LRP1B: variants seen among roughly 807,000 people sequenced by gnomAD.
LRP1B encodes low-density lipoprotein receptor-related protein 1B.
LRP1B carries 217 observed loss-of-function variants against 556.6 expected under a neutral mutation model. That is an observed-to-expected ratio of 0.39 (90% CI 0.35 to 0.44). The LOEUF is 0.44. Ranked by LOEUF, LRP1B falls within the 20% of genes least tolerant of loss-of-function variation. The pLI is 1.00. For missense variants in LRP1B, 5,053 were observed against 5,620.8 expected (o/e 0.90, Z 3.23); for synonymous variants, 2,047 against 1,865.8 (o/e 1.10, Z -2.50).
At chr2:140,946,379 C>A (rs955145528) in intron 20 of LRP1B, among the ~76,000 whole-genome samples, 1 of 152,106 alleles carries the variant, frequency 6.6e-6, no homozygotes, top group Admixed American at 6.6e-5. Flanking sequence ...GTGGATGGAT[C>A]ACCTGAAGTC....
chr2:141,812,071 G>C (rs969481498), intron 1 of LRP1B, among the ~76,000 whole-genome samples: 1 of 152,084 alleles, frequency 6.6e-6, no homozygotes, highest in South Asian at 2.1e-4. Flanking sequence ...TACTGAAATG[G>C]AAATGGCATT....
Position 140,291,318 on chromosome 2 carries a change from A to ATATTTTTTT in LRP1B, c.12967+6489_12967+6490insAAAAAAATA, listed in dbSNP as rs369391920. On this transcript the variant is annotated intron_variant, in intron 84 of 90. Coordinates refer to ENST00000389484, the MANE Select transcript of LRP1B (RefSeq NM_018557.3). ...TTATTTTATATATATATATATATATATTTTTATTATACTTTAAGTTCTAGG... is the reference window on the plus strand; with the variant it reads ...TTATTTTATATATATATATATATATATATTTTTTTTTTTTATTATACTTTAAGTTCTAGG... Among the ~76,000 whole-genome samples the ATATTTTTTT allele has an allele frequency of 1.0e-3, 113 of 109,312 alleles. 3 individuals carry two copies. In the Middle Eastern group the frequency reaches 0.037, roughly 36 times the overall value. The allele number at this position is 109,312 out of a possible 152,430, so 71.7% of individuals were successfully genotyped here. A position where few individuals can be genotyped will look rare whatever the true frequency, so the allele number is the denominator to read the frequency against.
chr2:141,515,970 T>C (rs1267394323), intron 2 of LRP1B, among the ~76,000 whole-genome samples: 1 of 152,160 alleles, frequency 6.6e-6, no homozygotes. Context: ...TAGAATACTT[T>C]AAAAAACATA....
At position 141,929,912 on chromosome 2, in the gene LRP1B, C is replaced by CAA. The variant is rs70994467; in HGVS notation, c.83-119513_83-119512dup. Among the ~76,000 whole-genome samples, 103 of 104,118 alleles carry CAA rather than the reference C, an allele frequency of 9.9e-4. 4 individuals are homozygous for CAA. The highest frequency in any genetic ancestry group is 5.6e-3 in the Middle Eastern group (1 of 180). The allele number at this position is 104,118 out of a possible 152,430, so 68.3% of individuals were successfully genotyped here. ...AGCCAGGAGAAACCGCGGATGGAAA[C>CAA]AAAAAAAAAAAAAAAAAAAAAAAAA... On this transcript the variant is annotated intron_variant, in intron 1 of 90. Coordinates refer to ENST00000389484, the MANE Select transcript of LRP1B (RefSeq NM_018557.3).
intron 55 of LRP1B, among the ~76,000 whole-genome samples, chr2:140,496,854 A>C (rs1302951765): frequency 6.6e-6 from 1 of 151,940 alleles, no homozygotes; most frequent in Non-Finnish European, 1.5e-5. Context: ...ACTAGTATTC[A>C]AGAGCACTCC....
At chr2:141,946,303 A>G (rs1700953294) in intron 1 of LRP1B, among the ~76,000 whole-genome samples, 1 of 152,122 alleles carries the variant, frequency 6.6e-6, no homozygotes, top group Admixed American at 6.6e-5. Context: ...GCAGGACTCA[A>G]ACTGACCCAC....
At chr2:141,352,781 G>A (rs1182693052) in intron 3 of LRP1B, among the ~76,000 whole-genome samples, 2 of 151,912 alleles carry the variant, frequency 1.3e-5, no homozygotes, top group Non-Finnish European at 2.9e-5. Context: ...ATGCCAGCTA[G>A]TAAATCATGA....
At chr2:141,565,986 TAA>T (rs903820443) in intron 2 of LRP1B, among the ~76,000 whole-genome samples, 8 of 152,018 alleles carry the variant, frequency 5.3e-5, no homozygotes, top group Non-Finnish European at 1.2e-4. Context: ...TCTTATTTTA[TAA>T]GAGAGGTTGT....
At chr2:140,496,639 C>G (rs1257186017) in intron 55 of LRP1B, among the ~76,000 whole-genome samples, 1 of 151,978 alleles carries the variant, frequency 6.6e-6, no homozygotes, top group African/African-American at 2.4e-5. Flanking sequence ...TTCCTAAAAA[C>G]GATGAGGTAC....
In LRP1B at chr2:140,601,506, G is replaced by A. The variant is rs2105198477; in HGVS notation, c.6933C>T (p.Val2311=). 1.2e-6 allele frequency: 2 copies of A among 1,613,094 alleles called. No individual in the cohort carries two copies. Among genetic ancestry groups the A allele is most frequent in the South Asian group, 1.1e-5 (1 of 91,042 alleles). The change falls in exon 42 of 91, where the codon GTC becomes GTT. Residue 2311 remains valine, a synonymous_variant. Coordinates refer to ENST00000389484, the MANE Select transcript of LRP1B (RefSeq NM_018557.3). ...TRPGAFDREA[V]ITMSEDDHPH... is the part of the protein sequence containing the mutation. ...GATGGTCATCTTCTGACATGGTGATGACAGCTTCCCTGTCAAATGCTCCAG... is the reference window on the plus strand; with the variant it reads ...GATGGTCATCTTCTGACATGGTGATAACAGCTTCCCTGTCAAATGCTCCAG...
At chr2:141,907,348 GAATTT>G (rs1699784912) in intron 1 of LRP1B, among the ~76,000 whole-genome samples, 2 of 151,620 alleles carry the variant, frequency 1.3e-5, no homozygotes, top group South Asian at 4.2e-4. Flanking sequence ...GATACTTAGA[GAATTT>G]AATAACCACT....
intron 3 of LRP1B, among the ~76,000 whole-genome samples, chr2:141,383,042 GA>G (rs202203294): frequency 0.012 from 1,815 of 152,210 alleles, 24 homozygotes; most frequent in Middle Eastern, 0.02. Context: ...AAAACAATCT[GA>G]TTTTAAAATA....
At chr2:140,513,598 A>G (rs1266687091) in intron 51 of LRP1B, among the ~76,000 whole-genome samples, 1 of 151,952 alleles carries the variant, frequency 6.6e-6, no homozygotes, top group Non-Finnish European at 1.5e-5. Flanking sequence ...ATTTTGAGTG[A>G]CTTAAATACA....
chr2:140,886,351 T>C lies in LRP1B; in HGVS notation c.3767-16A>G, dbSNP rs749261094. 1 of 1,412,118 alleles carries C rather than the reference T, an allele frequency of 7.1e-7. No homozygotes were observed. The highest frequency in any genetic ancestry group is 9.7e-7 in the Non-Finnish European group (1 of 1,026,718). 87.5% of individuals were successfully genotyped at this position (1,412,118 alleles called of 1,614,324 possible). The stretch of plus-strand genomic sequence containing the variant: ...TCAAAAGGATCTGAAATTAAATTTA[T>C]TTTTAATAGGCTTATGAAAATGTAA... On this transcript the variant is annotated splice_polypyrimidine_tract_variant and intron_variant, in intron 23 of 90. Coordinates refer to ENST00000389484, the MANE Select transcript of LRP1B (RefSeq NM_018557.3).
At chr2:140,303,020 TATA>T (rs1558784662) in intron 83 of LRP1B, among the ~76,000 whole-genome samples, 7 of 97,874 alleles carry the variant, frequency 7.2e-5, no homozygotes, top group Admixed American at 1.8e-4. Context: ...TTCATATATA[TATA>T]TATATATATA....
At chr2:141,639,304 G>GTATATATATATA (rs577532316) in intron 2 of LRP1B, among the ~76,000 whole-genome samples, 5 of 58,460 alleles carry the variant, frequency 8.6e-5, no homozygotes, top group East Asian at 6.6e-4. Flanking sequence ...CATCATGTGT[G>GTATATATATATA]TATATATATA....
At chr2:140,628,758 C>T (rs1030299694) in intron 41 of LRP1B, among the ~76,000 whole-genome samples, 1 of 152,062 alleles carries the variant, frequency 6.6e-6, no homozygotes, top group Non-Finnish European at 1.5e-5. Context: ...TTATAATTCC[C>T]AGTGTTGGAG....
intron 2 of LRP1B, among the ~76,000 whole-genome samples, chr2:141,583,189 T>C (rs558656147): frequency 6.6e-6 from 1 of 152,148 alleles, no homozygotes; most frequent in South Asian, 2.1e-4. Context: ...TGTCAAACAG[T>C]TTGGAGAAAG....
At chr2:141,905,655 A>G (rs976227317) in intron 1 of LRP1B, among the ~76,000 whole-genome samples, 5 of 151,694 alleles carry the variant, frequency 3.3e-5, no homozygotes, top group Non-Finnish European at 5.9e-5. Flanking sequence ...GCAAAGGGGA[A>G]CCATGGTCAG....
Sources: gnomAD v4.1 joint callset for allele counts (sites outside exome capture counted in the v4.1 genomes callset) on GRCh38, gnomAD v4.1.1 for gene constraint, MANE v1.5 for transcripts, NCBI Gene and HGNC (gene_info 2026-07-23, HGNC 2026-07-21) for gene names.